Variants in RPGRIP1L observed in about 807,000 individuals in gnomAD.
RPGRIP1L encodes the protein protein fantom.
RPGRIP1L carries 131 observed loss-of-function variants against 160.4 expected under a neutral mutation model. The ratio of observed to expected loss-of-function variants is 0.82; its 90% confidence interval spans 0.71 to 0.94. The LOEUF (loss-of-function observed/expected upper bound fraction) is 0.94, where lower values mean the gene tolerates loss of function less well. Ranked by LOEUF, RPGRIP1L falls within the 40% of genes least tolerant of loss-of-function variation. The probability of loss-of-function intolerance (pLI) is 0.00; values close to 1 mark genes in which losing one functional copy is unlikely to be tolerated. For synonymous variants in RPGRIP1L, 510 were observed against 515.8 expected (o/e 0.99, Z 0.15); for missense variants, 1,522 against 1,535.8 (o/e 0.99, Z 0.15).
rs1946155 is a variant in RPGRIP1L at position 53,600,383 on chromosome 16, C to T, written c.*1693G>A. ...TTAGTCTGCAGATGTTTGTGGTCTC[C>T]AGAAGGTTCCAGAGGAACGAGTTGT... On this transcript the variant is annotated 3_prime_UTR_variant, in exon 27 of 27. Transcript: ENST00000647211. 57,941 of 152,296 alleles carry T rather than the reference C, an allele frequency of 0.38. 12,765 individuals are homozygous for T. Among genetic ancestry groups the T allele is most frequent in the African/African-American group, 0.6 (24,771 of 41,392 alleles). The allele number at this position is 152,296 out of a possible 1,614,324, so 9.4% of individuals were successfully genotyped here. A position where few individuals can be genotyped will look rare whatever the true frequency, so the allele number is the denominator to read the frequency against.
chr16:53,620,067 A>C (rs942177541), intron 23 of RPGRIP1L, among the ~76,000 whole-genome samples: 2 of 152,188 alleles, frequency 1.3e-5, no homozygotes, highest in African/African-American at 4.8e-5. Context: ...ATTTTACTAA[A>C]TTCAGAGACA....
intron 20 of RPGRIP1L, 87 bp from the exon 21 acceptor site, chr16:53,637,941 C>G: frequency 7.2e-7 from 1 of 1,386,558 alleles, no homozygotes; most frequent in Non-Finnish European, 1.0e-6. Context: ...AATAATAAAG[C>G]ATGTAAATTT....
Position 53,599,318 on chromosome 16 carries a change from C to A in RPGRIP1L, c.*2758G>T, listed in dbSNP as rs940720400. ...CTAATTTAAGTTAAATGGCAGTAAA[C>A]CATGATAATTTAGAAAACATGGTGA... is the stretch of plus-strand genomic sequence containing the variant. On this transcript the variant is annotated 3_prime_UTR_variant, in exon 27 of 27. Transcript: ENST00000647211. The A allele has an allele frequency of 6.6e-6, 1 of 152,110 alleles. No homozygotes were observed. Among genetic ancestry groups the A allele is most frequent in the Non-Finnish European group, 1.5e-5 (1 of 68,022 alleles). The allele number at this position is 152,110 out of a possible 1,614,324, so 9.4% of individuals were successfully genotyped here. A position where few individuals can be genotyped will look rare whatever the true frequency, so the allele number is the denominator to read the frequency against.
intron 26 of RPGRIP1L, among the ~76,000 whole-genome samples, chr16:53,602,577 A>G (rs958224770): frequency 1.3e-5 from 2 of 152,056 alleles, no homozygotes; most frequent in African/African-American, 4.8e-5. Flanking sequence ...AGAGTTTGAA[A>G]CTAGCCTGAC....
chr16:53,619,158 A>G lies in RPGRIP1L; in HGVS notation c.3483T>C (p.Ser1161=), dbSNP rs1413107922. Residue 1161 remains serine, a synonymous_variant, in exon 24 of 27, where the codon TCT becomes TCC. Transcript: ENST00000647211. The part of the protein sequence containing the change: ...IEIIALSLND[S]QVTMDDTIQR... ...GGATAGTGTCATCCATGGTTACTTG[A>G]GAATCATTAAGGCTTAGAGCTATGA... The G allele has an allele frequency of 6.2e-7, 1 of 1,614,022 alleles. No homozygotes were observed. Among genetic ancestry groups the G allele is most frequent in the Non-Finnish European group, 8.5e-7 (1 of 1,180,012 alleles).
rs574947032 is a variant in RPGRIP1L, at chr16:53,703,611, G to A, written c.-8+192C>T. 21 of 177,854 alleles carry A rather than the reference G, an allele frequency of 1.2e-4. No individual in the cohort carries two copies. The East Asian group carries it at 2.0e-3, about 17-fold the overall frequency. 11.0% of individuals were successfully genotyped at this position (177,854 alleles called of 1,614,324 possible). On this transcript the variant is annotated intron_variant, in intron 1 of 26. Coordinates refer to ENST00000647211, the MANE Select transcript of RPGRIP1L (RefSeq NM_015272.5). ...GTCCTGGACGTGGGGATAAAGGGCG[G>A]CCTGTGATTCAGGCCTGAGGATGTG...
intron 25 of RPGRIP1L, among the ~76,000 whole-genome samples, chr16:53,610,635 A>AAGGC (rs1963970961): frequency 6.6e-6 from 1 of 152,206 alleles, no homozygotes; most frequent in Non-Finnish European, 1.5e-5. Context: ...ATTTATACCC[A>AAGGC]AGGCATGTGA....
At chr16:53,609,311 C>T (rs1195702995) in intron 25 of RPGRIP1L, among the ~76,000 whole-genome samples, 1 of 151,892 alleles carries the variant, frequency 6.6e-6, no homozygotes, top group African/African-American at 2.4e-5. Flanking sequence ...TTGCTCAGGC[C>T]AGTCTCTAAC....
chr16:53,612,778 A>G (rs1964137578), intron 24 of RPGRIP1L, among the ~76,000 whole-genome samples: 1 of 152,232 alleles, frequency 6.6e-6, no homozygotes, highest in Admixed American at 6.5e-5. Flanking sequence ...ATTAACAATT[A>G]ATATTTAAGT....
Position 53,679,962 on chromosome 16 carries a change from G to A in RPGRIP1L, c.777-4840C>T, listed in dbSNP as rs559377951. 1.9e-4 allele frequency among the ~76,000 whole-genome samples: 29 copies of A among 152,196 alleles called. No homozygotes were observed. The South Asian group carries it at 2.3e-3, about 12-fold the overall frequency. On this transcript the variant is annotated intron_variant, in intron 6 of 26. Transcript: ENST00000647211. ...GTAATGGAAACAACACTCAAATCTC[G>A]CTCTAAGAGTTAAATTCTTCCCACT...
At chr16:53,657,193 T>C (rs1460393978) in intron 13 of RPGRIP1L, among the ~76,000 whole-genome samples, 4 of 152,200 alleles carry the variant, frequency 2.6e-5, no homozygotes, top group South Asian at 4.1e-4. Context: ...TGAGCCACGA[T>C]TGCGCCACTG....
chr16:53,673,619 G>C (rs1200876099), intron 7 of RPGRIP1L, among the ~76,000 whole-genome samples: 1 of 151,892 alleles, frequency 6.6e-6, no homozygotes, highest in African/African-American at 2.4e-5. Flanking sequence ...AAAAGGTAAA[G>C]TCTTTTCATA....
At chr16:53,668,420 A>G (rs1598365126) in intron 9 of RPGRIP1L, among the ~76,000 whole-genome samples, 1 of 152,216 alleles carries the variant, frequency 6.6e-6, no homozygotes, top group African/African-American at 2.4e-5. Context: ...CCTTTTAAAA[A>G]CAGACATTAG....
intron 26 of RPGRIP1L, among the ~76,000 whole-genome samples, chr16:53,603,721 A>G (rs1259996534): frequency 6.8e-6 from 1 of 147,970 alleles, no homozygotes; most frequent in Non-Finnish European, 1.5e-5. Context: ...TAATTCCAAG[A>G]AAATTTGTTA....
intron 19 of RPGRIP1L, among the ~76,000 whole-genome samples, chr16:53,638,639 G>A (rs2151042154): frequency 6.6e-6 from 1 of 151,408 alleles, no homozygotes; most frequent in South Asian, 2.1e-4. Flanking sequence ...TTGAAGCACT[G>A]TTTACAATAG....
rs373750629 is a variant in RPGRIP1L, at chr16:53,687,883, G to A, written c.612C>T (p.Ala204=). The part of the protein sequence containing the change: ...TKYGNSLLEE[A]RGEIRNLENV... ...CATACAAATTTCTTATTTCTCCTCTGGCTTCTTCAAGTAAACTGTTGCCAT... is the reference window on the plus strand; with the variant it reads ...CATACAAATTTCTTATTTCTCCTCTAGCTTCTTCAAGTAAACTGTTGCCAT... The change falls in exon 5 of 27, where the codon GCC becomes GCT. Residue 204 remains alanine, a synonymous_variant. Coordinates refer to ENST00000647211, the MANE Select transcript of RPGRIP1L (RefSeq NM_015272.5). 33 of 1,606,188 alleles carry A rather than the reference G, an allele frequency of 2.1e-5. No homozygotes were observed. The African/African-American group carries it at 4.0e-4, about 20-fold the overall frequency.
chr16:53,624,704 C>A (rs888792497), intron 22 of RPGRIP1L, among the ~76,000 whole-genome samples: 5 of 152,034 alleles, frequency 3.3e-5, no homozygotes, highest in African/African-American at 1.2e-4. Flanking sequence ...ACTATTATTT[C>A]TACTTTTCTG....
intron 22 of RPGRIP1L, among the ~76,000 whole-genome samples, chr16:53,635,901 T>C (rs1168115942): frequency 2.6e-5 from 4 of 152,198 alleles, no homozygotes; most frequent in African/African-American, 9.7e-5. Flanking sequence ...AAAATTTCAA[T>C]TTACATACTA....
chr16:53,624,726 T>A (rs1964963786), intron 22 of RPGRIP1L, among the ~76,000 whole-genome samples: 1 of 152,090 alleles, frequency 6.6e-6, no homozygotes, highest in Non-Finnish European at 1.5e-5. Flanking sequence ...ATGTTTGAAA[T>A]TTTTCATCAT....
Sources: gnomAD v4.1 joint callset for allele counts (sites outside exome capture counted in the v4.1 genomes callset) on GRCh38, gnomAD v4.1.1 for gene constraint, MANE v1.5 for transcripts, NCBI Gene and HGNC (gene_info 2026-07-23, HGNC 2026-07-21) for gene names.